Variants in PREP observed in about 807,000 individuals in gnomAD.
PREP encodes prolyl endopeptidase.
A neutral mutation model predicts 87.6 loss-of-function variants in PREP; 29 were observed. The observed-to-expected ratio is 0.33, with a 90% CI of 0.25 to 0.45. The LOEUF (loss-of-function observed/expected upper bound fraction) is 0.45, where lower values mean the gene tolerates loss of function less well. Among genes scored for constraint, PREP ranks in the 20% least tolerant of loss-of-function variants. The pLI is 1.00. For synonymous variants in PREP, 337 were observed against 328.6 expected (o/e 1.03, Z -0.28); for missense variants, 695 against 886.5 (o/e 0.78, Z 2.74).
chr6:105,278,506 G>A lies in PREP; in HGVS notation c.1839-68C>T. On this transcript the variant is annotated intron_variant, in intron 14 of 14. Coordinates refer to ENST00000652536, the MANE Select transcript of PREP (RefSeq NM_002726.5). This position sits in a 1 kb window ranked among gnomAD's most constrained non-coding sequence, Gnocchi z 4.2. ...AGAGTTTTATGGCACAGGGACCTAG[G>A]TAGTTAATTAGCAGTGAGGACTGCA... is the stretch of plus-strand genomic sequence containing the variant. The A allele has an allele frequency of 6.8e-7, 1 of 1,479,788 alleles. No individual in the cohort carries two copies. Among genetic ancestry groups the A allele is most frequent in the Non-Finnish European group, 9.3e-7 (1 of 1,079,736 alleles). The allele number at this position is 1,479,788 out of a possible 1,614,324, so 91.7% of individuals were successfully genotyped here.
In PREP at chr6:105,352,865, T is replaced by C. The variant is rs1425043418; in HGVS notation, c.823+107A>G. The C allele has an allele frequency of 5.3e-6, 5 of 937,954 alleles. No homozygotes were observed. The African/African-American group carries it at 6.6e-5, about 12-fold the overall frequency. 58.1% of individuals were successfully genotyped at this position (937,954 alleles called of 1,614,324 possible). A position where few individuals can be genotyped will look rare whatever the true frequency, so the allele number is the denominator to read the frequency against. Reference sequence around the variant, plus strand: ...AAAAAAATCAGATGAACTGACATGATGTGGTAGAATGGAAGAGGGTCTTGG... The same window carrying C: ...AAAAAAATCAGATGAACTGACATGACGTGGTAGAATGGAAGAGGGTCTTGG... On this transcript the variant is annotated intron_variant, in intron 7 of 14. Transcript: ENST00000652536.
Position 105,285,576 on chromosome 6 carries a change from A to G in PREP, c.1459T>C (p.Ser487Pro). ...NISITPNYSV[S>P]RLIFVRHMGG... is the part of the protein sequence containing the mutation. ...ATGTGTCTCACAAAAATAAGCCTGG[A>G]AACACTGAGAAGCAGTAAAAACAGT... The change falls in exon 12 of 15, where the codon TCC (serine) becomes CCC (proline). Residue 487 changes from serine to proline, a missense_variant. Physicochemically the swap from Ser to Pro is moderately conservative, Grantham distance 74 (BLOSUM62 -1). This residue lies in a region of PREP where 517 missense variants were observed against 620.3 expected (regional missense o/e 0.83). Transcript: ENST00000652536. The G allele has an allele frequency of 1.9e-6, 3 of 1,613,158 alleles. No homozygotes were observed. The highest frequency in any genetic ancestry group is 2.5e-6 in the Non-Finnish European group (3 of 1,179,096).
At chr6:105,331,149 T>C (rs1027524539) in intron 8 of PREP, among the ~76,000 whole-genome samples, 2 of 152,220 alleles carry the variant, frequency 1.3e-5, no homozygotes, top group African/African-American at 4.8e-5. Flanking sequence ...TCATCTCTAG[T>C]TTTTATTCTC....
Position 105,347,650 on chromosome 6 carries a change from C to T in PREP, c.823+5322G>A, listed in dbSNP as rs187399884. 3.3e-3 allele frequency among the ~76,000 whole-genome samples: 508 copies of T among 152,200 alleles called. 2 individuals carry two copies. The highest frequency in any genetic ancestry group is 0.012 in the African/African-American group (487 of 41,536). ...GCTCTGAGCTCTGATACCCATACTG[C>T]AGAAAATATTCAAAAATTTATTCTG... On this transcript the variant is annotated intron_variant, in intron 7 of 14. Transcript: ENST00000652536.
intron 10 of PREP, among the ~76,000 whole-genome samples, chr6:105,299,899 GC>G (rs1470980804): frequency 2.0e-3 from 287 of 143,746 alleles, no homozygotes; most frequent in African/African-American, 7.8e-3. Context: ...TTGCTTCTCT[GC>G]TTTTTTTTTT....
intron 7 of PREP, among the ~76,000 whole-genome samples, chr6:105,343,063 T>G (rs1254110282): frequency 6.9e-6 from 1 of 144,520 alleles, no homozygotes; most frequent in South Asian, 2.2e-4. Flanking sequence ...GAGCCTGCAT[T>G]GCCAAGACAA....
intron 9 of PREP, among the ~76,000 whole-genome samples, chr6:105,324,193 A>C (rs1028503290): frequency 6.6e-6 from 1 of 152,144 alleles, no homozygotes; most frequent in Non-Finnish European, 1.5e-5. Flanking sequence ...ACTGACAAAA[A>C]ACTCAAGTGA....
At chr6:105,291,268 A>C (rs1455335002) in intron 10 of PREP, among the ~76,000 whole-genome samples, 3 of 152,232 alleles carry the variant, frequency 2.0e-5, no homozygotes, top group Non-Finnish European at 2.9e-5. Context: ...TCTTAAATGA[A>C]GATACCAATG....
At chr6:105,367,074 A>T (rs1197381331) in intron 6 of PREP, among the ~76,000 whole-genome samples, 1 of 152,246 alleles carries the variant, frequency 6.6e-6, no homozygotes, top group East Asian at 1.9e-4. Context: ...TTGTAAGTTC[A>T]CTTAAAGTAC....
At chr6:105,357,452 C>G (rs1772128361) in intron 6 of PREP, among the ~76,000 whole-genome samples, 1 of 152,130 alleles carries the variant, frequency 6.6e-6, no homozygotes, top group Admixed American at 6.5e-5. Flanking sequence ...GCAGGCAGTC[C>G]CAAGGTACAT....
intron 4 of PREP, 149 bp from the exon 5 acceptor site, chr6:105,373,727 G>T (rs1772617421): frequency 3.7e-6 from 3 of 801,684 alleles, no homozygotes; most frequent in Non-Finnish European, 5.9e-6. Context: ...AATCCCGGGG[G>T]CTCAGCCCAA....
At chr6:105,298,075 T>G (rs949664002) in intron 10 of PREP, 1 of 152,252 alleles carries the variant, frequency 6.6e-6, no homozygotes, top group African/African-American at 2.4e-5. Flanking sequence ...TTAAGAAAGC[T>G]TCTTTCCTTA....
intron 7 of PREP, among the ~76,000 whole-genome samples, chr6:105,342,196 G>A (rs1257471764): frequency 2.0e-5 from 3 of 152,126 alleles, no homozygotes; most frequent in Non-Finnish European, 2.9e-5. Context: ...ATGAGCAAGT[G>A]GGCTTCATCC....
chr6:105,307,109 A>G (rs1770672667), intron 10 of PREP, among the ~76,000 whole-genome samples: 1 of 152,190 alleles, frequency 6.6e-6, no homozygotes. Context: ...GTGTTTTATG[A>G]GACTCTGGGA....
intron 10 of PREP, among the ~76,000 whole-genome samples, chr6:105,289,620 T>TA (rs1014501010): frequency 5.9e-5 from 9 of 152,210 alleles, no homozygotes; most frequent in South Asian, 4.2e-4. Context: ...TAAAGGATTT[T>TA]AAAAAAAGCC....
rs1249642705 is a variant in PREP, at chr6:105,402,911, G to A, written c.-20C>T. The A allele has an allele frequency of 5.5e-6, 8 of 1,449,142 alleles. No homozygotes were observed. Among genetic ancestry groups the A allele is most frequent in the East Asian group, 2.6e-5 (1 of 38,636 alleles). 89.8% of individuals were successfully genotyped at this position (1,449,142 alleles called of 1,614,324 possible). A position where few individuals can be genotyped will look rare whatever the true frequency, so the allele number is the denominator to read the frequency against. On this transcript the variant is annotated 5_prime_UTR_variant, in exon 1 of 15. Transcript: ENST00000652536. ...CAGCATGGCCGGGGACAGGCAGGGG[G>A]CAGCGTGGAGGGGCGCGGGCTCCGG...
At chr6:105,345,153 A>G (rs1771763743) in intron 7 of PREP, among the ~76,000 whole-genome samples, 1 of 152,248 alleles carries the variant, frequency 6.6e-6, no homozygotes, top group Non-Finnish European at 1.5e-5. Context: ...TCAGTTCAAC[A>G]ATGGGGCTCA....
At chr6:105,303,575 C>T (rs1406765119) in intron 10 of PREP, among the ~76,000 whole-genome samples, 1 of 152,136 alleles carries the variant, frequency 6.6e-6, no homozygotes, top group Non-Finnish European at 1.5e-5. Flanking sequence ...CTCCTCCCTC[C>T]CCTATCCAAT....
chr6:105,326,180 G>A (rs1398826440), intron 9 of PREP, among the ~76,000 whole-genome samples: 1 of 152,172 alleles, frequency 6.6e-6, no homozygotes, highest in Non-Finnish European at 1.5e-5. Flanking sequence ...TGATATCCGT[G>A]AAAGGTTTTT....
Sources: gnomAD v4.1 joint callset for allele counts (sites outside exome capture counted in the v4.1 genomes callset) on GRCh38, gnomAD v4.1.1 for gene constraint, gnomAD v4.1.1 regional missense constraint, Gnocchi (gnomAD v3.1) non-coding constraint, MANE v1.5 for transcripts, NCBI Gene and HGNC (gene_info 2026-07-23, HGNC 2026-07-21) for gene names.